The following ATXN1 variants were observed in gnomAD, a reference collection of about 807,000 sequenced individuals.
ATXN1 encodes the protein ataxin-1.
ATXN1 carries 8 observed loss-of-function variants against 56.4 expected under a neutral mutation model. The ratio of observed to expected loss-of-function variants is 0.14; its 90% CI spans 0.08 to 0.26. The LOEUF is 0.26. ATXN1 is among the 10% of genes least tolerant of loss of function. The pLI, the probability that ATXN1 is intolerant of heterozygous loss-of-function variation, is 1.00. For synonymous variants in ATXN1, 514 were observed against 494.6 expected (o/e 1.04, Z -0.52); for missense variants, 987 against 1,106.5 (o/e 0.89, Z 1.53).
chr6:16,683,840 T>A (rs1435303438), intron 2 of ATXN1, among the ~76,000 whole-genome samples: 1 of 152,116 alleles, frequency 6.6e-6, no homozygotes, highest in Non-Finnish European at 1.5e-5. Flanking sequence ...CTATTCCTCA[T>A]CCCCTGCCCT....
chr6:16,647,002 T>C (rs1763809606), intron 3 of ATXN1, among the ~76,000 whole-genome samples: 1 of 151,984 alleles, frequency 6.6e-6, no homozygotes, highest in Admixed American at 6.6e-5. Context: ...TGTTTGTTTG[T>C]TTGTTTGTTT....
chr6:16,606,506 G>GT (rs1009508544), intron 3 of ATXN1, among the ~76,000 whole-genome samples: 3 of 138,612 alleles, frequency 2.2e-5, no homozygotes, highest in African/African-American at 7.9e-5. Flanking sequence ...TTTGTTTGTG[G>GT]TTTTTTTGTT....
chr6:16,484,075 T>C (rs149422924), intron 6 of ATXN1, among the ~76,000 whole-genome samples: 26 of 152,192 alleles, frequency 1.7e-4, no homozygotes, highest in African/African-American at 6.0e-4. Context: ...ATAAGTAAAA[T>C]AGTGCTTTCA....
intron 3 of ATXN1, among the ~76,000 whole-genome samples, chr6:16,647,264 A>C (rs1035731070): frequency 6.6e-6 from 1 of 152,080 alleles, no homozygotes; most frequent in African/African-American, 2.4e-5. Flanking sequence ...GGCCTCCCAA[A>C]GTGCTGGGAT....
intron 4 of ATXN1, among the ~76,000 whole-genome samples, chr6:16,538,027 C>G (rs1044228777): frequency 6.6e-6 from 1 of 152,158 alleles, no homozygotes; most frequent in South Asian, 2.1e-4. Flanking sequence ...CACTTAAACC[C>G]AGGTCAGCTT....
chr6:16,479,878 G>C (rs115384603), intron 6 of ATXN1, among the ~76,000 whole-genome samples: 2 of 152,078 alleles, frequency 1.3e-5, no homozygotes, highest in Admixed American at 6.6e-5. Context: ...TGTGCCAGGC[G>C]TAGTGGCTGA....
chr6:16,419,615 G>C (rs1167606979), intron 6 of ATXN1, among the ~76,000 whole-genome samples: 1 of 152,116 alleles, frequency 6.6e-6, no homozygotes, highest in Non-Finnish European at 1.5e-5. Context: ...GGGCCAGGCT[G>C]CACCACATCC....
intron 3 of ATXN1, among the ~76,000 whole-genome samples, chr6:16,593,939 C>CAT (rs1405706986): frequency 3.4e-5 from 5 of 146,964 alleles, no homozygotes; most frequent in Admixed American, 6.8e-5. Flanking sequence ...GAAGCTAATA[C>CAT]ATATATTAGT....
chr6:16,376,473 G>A (rs1762143173), intron 6 of ATXN1, among the ~76,000 whole-genome samples: 1 of 152,212 alleles, frequency 6.6e-6, no homozygotes, highest in Non-Finnish European at 1.5e-5. Context: ...TGAAGGGACT[G>A]TAGCTTAAAC....
rs147096969 is a variant in ATXN1, at chr6:16,326,982, T to C, written c.1329A>G (p.Pro443=). ...CCGTGGCTGGCAGTCCCACCGGGAG[T>C]GGCTCTGAAGCACTGTGTGTGGTCT... ...VIQTTHSASE[P]LPVGLPATAF... is the part of the protein sequence containing the mutation. The change falls in exon 7 of 8, where the codon CCA becomes CCG. Residue 443 remains proline (P), a synonymous_variant. Transcript: ENST00000436367. This position sits in a 1 kb window ranked among gnomAD's most constrained non-coding sequence, Gnocchi z 6.6. 5 of 1,613,442 alleles carry C rather than the reference T, an allele frequency of 3.1e-6. No individual in the cohort carries two copies. In the African/African-American group the frequency reaches 5.4e-5, roughly 17 times the overall value.
At chr6:16,450,379 G>T (rs976326309) in intron 6 of ATXN1, among the ~76,000 whole-genome samples, 2 of 152,236 alleles carry the variant, frequency 1.3e-5, no homozygotes, top group African/African-American at 4.8e-5. Flanking sequence ...TTACACACAT[G>T]CATGGTTCTT....
intron 6 of ATXN1, among the ~76,000 whole-genome samples, chr6:16,412,035 G>A (rs1396110627): frequency 6.6e-6 from 1 of 152,196 alleles, no homozygotes; most frequent in East Asian, 1.9e-4. Flanking sequence ...AGTGCATGAA[G>A]TACTGTATAG....
At position 16,347,982 on chromosome 6, in the gene ATXN1, C is replaced by T. The variant is rs567613785; in HGVS notation, c.-160-19512G>A. On this transcript the variant is annotated intron_variant, in intron 6 of 7. Coordinates refer to ENST00000436367, the MANE Select transcript of ATXN1 (RefSeq NM_001128164.2). ...ACCGGAAAGGTCTGCAGCTTCATTC[C>T]TGAAGCCAGTGAGACCATGAACCCA... Among the ~76,000 whole-genome samples the T allele has an allele frequency of 5.3e-5, 8 of 152,280 alleles. No homozygotes were observed. The East Asian group carries it at 7.7e-4, about 15-fold the overall frequency.
At chr6:16,428,194 C>G (rs1184888106) in intron 6 of ATXN1, among the ~76,000 whole-genome samples, 2 of 150,592 alleles carry the variant, frequency 1.3e-5, no homozygotes, top group African/African-American at 4.9e-5. Context: ...TCTCGGCTCA[C>G]TGCAACCTCT....
chr6:16,563,024 T>A (rs1315826687), intron 4 of ATXN1, among the ~76,000 whole-genome samples: 1 of 149,906 alleles, frequency 6.7e-6, no homozygotes, highest in East Asian at 2.0e-4. Context: ...GAGTGGGAGG[T>A]CTTCTTGCTC....
At chr6:16,544,354 C>T (rs12527937) in intron 4 of ATXN1, among the ~76,000 whole-genome samples, 19,543 of 152,148 alleles carry the variant, frequency 0.13, 1,380 homozygotes, top group African/African-American at 0.15. Flanking sequence ...TGGGGGACTC[C>T]GCCTCAAGGC....
rs762462482 is a variant in ATXN1 at position 16,299,556 on chromosome 6, T to C, written c.*6773A>G. The C allele has an allele frequency of 6.5e-6, 1 of 152,694 alleles. No individual in the cohort carries two copies. Among genetic ancestry groups the C allele is most frequent in the Non-Finnish European group, 1.5e-5 (1 of 68,060 alleles). 9.5% of individuals were successfully genotyped at this position (152,694 alleles called of 1,614,324 possible). ...TTCCTTCCCTAGTTCTCCTCTGTAC[T>C]GGCCATGTCAGTCTGGTAGTGCCCT... On this transcript the variant is annotated 3_prime_UTR_variant, in exon 8 of 8. Coordinates refer to ENST00000436367, the MANE Select transcript of ATXN1 (RefSeq NM_001128164.2).
chr6:16,439,091 C>G (rs570555945), intron 6 of ATXN1, among the ~76,000 whole-genome samples: 1 of 151,856 alleles, frequency 6.6e-6, no homozygotes, highest in Non-Finnish European at 1.5e-5. Flanking sequence ...GGAAACAAGG[C>G]CCTTTGTCAA....
chr6:16,732,182 G>C (rs1760003734), intron 2 of ATXN1, among the ~76,000 whole-genome samples: 1 of 152,138 alleles, frequency 6.6e-6, no homozygotes, highest in Admixed American at 6.5e-5. Flanking sequence ...GCAAAAAGAT[G>C]AGATAGAACA....
Sources: allele counts gnomAD v4.1 joint callset (sites outside exome capture counted in the v4.1 genomes callset), GRCh38; gene constraint gnomAD v4.1.1; non-coding constraint Gnocchi (gnomAD v3.1); transcripts MANE v1.5; gene names NCBI Gene and HGNC (gene_info 2026-07-23, HGNC 2026-07-21).